VDR: variants seen among roughly 807,000 people sequenced by gnomAD.
The protein encoded by VDR is vitamin D receptor.
VDR carries 19 observed loss-of-function variants against 39.7 expected under a neutral mutation model. The ratio of observed to expected loss-of-function variants is 0.48; its 90% CI spans 0.33 to 0.70. The LOEUF (loss-of-function observed/expected upper bound fraction) is 0.70, where lower values mean the gene tolerates loss of function less well. Ranked by LOEUF, VDR falls within the 30% of genes least tolerant of loss-of-function variation. The pLI, the probability that VDR is intolerant of heterozygous loss-of-function variation, is 0.02. For missense variants in VDR, 442 were observed against 570.5 expected, an observed-to-expected ratio of 0.77 and a Z score of 2.29; for synonymous variants, 242 against 215.8, an observed-to-expected ratio of 1.12 and a Z score of -1.07.
At chr12:47,880,048 A>G (rs1946113793) in intron 2 of VDR, among the ~76,000 whole-genome samples, 1 of 152,102 alleles carries the variant, frequency 6.6e-6, no homozygotes, top group Non-Finnish European at 1.5e-5. Flanking sequence ...TGTCAGGCTC[A>G]GAGATGATTC....
chr12:47,856,221 T>G (rs186212245), intron 6 of VDR, among the ~76,000 whole-genome samples: 1 of 152,326 alleles, frequency 6.6e-6, no homozygotes, highest in Non-Finnish European at 1.5e-5. Flanking sequence ...TTTATAAAGA[T>G]GCAGGAAATT....
chr12:47,876,714 G>T (rs1234908086), intron 3 of VDR, among the ~76,000 whole-genome samples: 1 of 152,226 alleles, frequency 6.6e-6, no homozygotes, highest in Non-Finnish European at 1.5e-5. Flanking sequence ...TTCACACTCA[G>T]CCTGGGGCAT....
intron 7 of VDR, among the ~76,000 whole-genome samples, chr12:47,850,536 A>T (rs1945364901): frequency 6.6e-6 from 1 of 152,178 alleles, no homozygotes; most frequent in Non-Finnish European, 1.5e-5. Flanking sequence ...TTTGTGATCC[A>T]GACATCCTGC....
chr12:47,854,009 T>TA (rs914726858), intron 7 of VDR, among the ~76,000 whole-genome samples: 57 of 152,184 alleles, frequency 3.7e-4, no homozygotes, highest in Admixed American at 3.5e-3. Flanking sequence ...AACATAGGAA[T>TA]AAATGAATGA....
chr12:47,887,554 C>G (rs1946281381), intron 1 of VDR, among the ~76,000 whole-genome samples: 1 of 152,212 alleles, frequency 6.6e-6, no homozygotes, highest in African/African-American at 2.4e-5. Flanking sequence ...GATTTAGACT[C>G]CATCAAATTC....
In VDR at chr12:47,866,738, C is replaced by T. The variant is rs1315725883; in HGVS notation, c.147-1561G>A. Among the ~76,000 whole-genome samples, 3 of 152,282 alleles carry T rather than the reference C, an allele frequency of 2.0e-5. No homozygotes were observed. In the East Asian group the frequency reaches 5.8e-4, roughly 29 times the overall value. ...GGCACAGTGGCTCAGGCCTGTAATCCTAGCACTTTGAGAGGCTGAGGTGGG... is the reference window on the plus strand; with the variant it reads ...GGCACAGTGGCTCAGGCCTGTAATCTTAGCACTTTGAGAGGCTGAGGTGGG... On this transcript the variant is annotated intron_variant, in intron 3 of 9. Coordinates refer to ENST00000549336, the MANE Select transcript of VDR (RefSeq NM_000376.3).
In VDR at chr12:47,873,366, T is replaced by C. The variant is rs1341499813; in HGVS notation, c.146+5602A>G. Among the ~76,000 whole-genome samples, 53 of 122,848 alleles carry C rather than the reference T, an allele frequency of 4.3e-4. 2 individuals are homozygous for C. Among genetic ancestry groups the C allele is most frequent in the Admixed American group, 4.7e-4 (6 of 12,718 alleles). The allele number at this position is 122,848 out of a possible 152,430, so 80.6% of individuals were successfully genotyped here. ...AACCTGTTTTCTTTTTTTTTTTTTT[T>C]TTTTTTTTTTTTTTGAGACGGAGTC... On this transcript the variant is annotated intron_variant, in intron 3 of 9. Coordinates refer to ENST00000549336, the MANE Select transcript of VDR (RefSeq NM_000376.3).
At chr12:47,872,792 A>G (rs1945910125) in intron 3 of VDR, among the ~76,000 whole-genome samples, 1 of 152,188 alleles carries the variant, frequency 6.6e-6, no homozygotes, top group African/African-American at 2.4e-5. Flanking sequence ...GGAAGAAAGG[A>G]CCATCTGTCC....
At chr12:47,847,485 C>T (rs896604020) in intron 7 of VDR, among the ~76,000 whole-genome samples, 1 of 152,134 alleles carries the variant, frequency 6.6e-6, no homozygotes, top group Non-Finnish European at 1.5e-5. Context: ...ACCTCTCATT[C>T]CAACTCCCTT....
At chr12:47,902,944 C>T (rs1012911431) in intron 1 of VDR, among the ~76,000 whole-genome samples, 29 of 152,242 alleles carry the variant, frequency 1.9e-4, no homozygotes, top group African/African-American at 5.3e-4. Context: ...GAGGTCCTCT[C>T]GGAGCTTCCT....
chr12:47,871,362 T>C (rs1433907960), intron 3 of VDR, among the ~76,000 whole-genome samples: 7 of 70,660 alleles, frequency 9.9e-5, no homozygotes, highest in South Asian at 5.1e-4. Flanking sequence ...TTCTTTCCTT[T>C]CTCTCTCTCT....
At chr12:47,846,045 G>A (rs1230200311) in intron 9 of VDR, among the ~76,000 whole-genome samples, 1 of 152,202 alleles carries the variant, frequency 6.6e-6, no homozygotes. Flanking sequence ...CCTGAGTATT[G>A]GGAATGCGCA....
chr12:47,863,923 C>G (rs988114564), intron 4 of VDR, among the ~76,000 whole-genome samples: 7 of 152,156 alleles, frequency 4.6e-5, no homozygotes, highest in African/African-American at 1.7e-4. Context: ...TCCTCTAAGC[C>G]CTGTTCTGTG....
intron 1 of VDR, among the ~76,000 whole-genome samples, chr12:47,895,243 C>G (rs185124138): frequency 1.3e-5 from 2 of 152,328 alleles, no homozygotes; most frequent in African/African-American, 4.8e-5. Flanking sequence ...GAGCATGATC[C>G]ATTCATTCGT....
intron 1 of VDR, among the ~76,000 whole-genome samples, chr12:47,885,130 C>T (rs1018429534): frequency 2.3e-4 from 35 of 152,138 alleles, no homozygotes; most frequent in Middle Eastern, 3.2e-3. Context: ...TTGCTGGGAC[C>T]GTCCCCAGAG....
At chr12:47,904,874 G>C (rs1946641735) in intron 1 of VDR, 81 bp downstream of exon 1, 2 of 332,574 alleles carry the variant, frequency 6.0e-6, no homozygotes, top group African/African-American at 2.1e-5. Flanking sequence ...GCAGCCGGGC[G>C]CTCAGGCCCC....
chr12:47,844,566 C>T lies in VDR; in HGVS notation c.*180G>A, dbSNP rs531593296. 1.1e-4 allele frequency: 89 copies of T among 827,640 alleles called. No individual in the cohort carries two copies. The South Asian group carries it at 1.4e-3, about 13-fold the overall frequency. 51.3% of individuals were successfully genotyped at this position (827,640 alleles called of 1,614,324 possible). ...GGTCTCAAGGGACCGGGGAAAAGCCCGCAGGAAAGGGGTTAGGTTGGACAG... is the reference window on the plus strand; with the variant it reads ...GGTCTCAAGGGACCGGGGAAAAGCCTGCAGGAAAGGGGTTAGGTTGGACAG... On this transcript the variant is annotated 3_prime_UTR_variant, in exon 10 of 10. Coordinates refer to ENST00000549336, the MANE Select transcript of VDR (RefSeq NM_000376.3).
intron 4 of VDR, among the ~76,000 whole-genome samples, chr12:47,862,516 A>G (rs1386942954): frequency 6.6e-6 from 1 of 152,266 alleles, no homozygotes; most frequent in Non-Finnish European, 1.5e-5. Flanking sequence ...GAGTGTTGTG[A>G]GAATTTCAGA....
intron 7 of VDR, among the ~76,000 whole-genome samples, chr12:47,851,856 C>T (rs1053651972): frequency 1.3e-5 from 2 of 152,190 alleles, no homozygotes; most frequent in Non-Finnish European, 2.9e-5. Flanking sequence ...TCAGTTTAAC[C>T]CATTTTGCAT....
Sources: gnomAD v4.1 joint callset for allele counts (sites outside exome capture counted in the v4.1 genomes callset) on GRCh38, gnomAD v4.1.1 for gene constraint, MANE v1.5 for transcripts, NCBI Gene and HGNC (gene_info 2026-07-23, HGNC 2026-07-21) for gene names.